PELI2: variants seen among roughly 807,000 people sequenced by gnomAD.
PELI2 encodes pellino E3 ubiquitin protein ligase family member 2.
PELI2 carries 23 observed loss-of-function variants against 42.3 expected under a neutral mutation model. That is an observed-to-expected ratio of 0.54 (90% CI 0.39 to 0.77). PELI2 has a LOEUF of 0.77. Ranked by LOEUF, PELI2 falls within the 30% of genes least tolerant of loss-of-function variation. PELI2 has a pLI of 0.00. For missense variants in PELI2, 463 were observed against 553.2 expected (o/e 0.84, Z 1.64); for synonymous variants, 245 against 212.2 (o/e 1.15, Z -1.34).
rs1890117766 is a variant in PELI2, at chr14:56,299,789, A to G, written c.*2623A>G. 6.6e-6 allele frequency: 1 copy of G among 152,216 alleles called. No individual in the cohort carries two copies. Among genetic ancestry groups the G allele is most frequent in the Non-Finnish European group, 1.5e-5 (1 of 68,040 alleles). The allele number at this position is 152,216 out of a possible 1,614,324, so 9.4% of individuals were successfully genotyped here. A position where few individuals can be genotyped will look rare whatever the true frequency, so the allele number is the denominator to read the frequency against. On this transcript the variant is annotated 3_prime_UTR_variant, in exon 6 of 6. Transcript: ENST00000267460. ...GTATACACAAGGAAATTGCAGACCA[A>G]TTAGTTGTCTTGGCCTGACTCTAAT...
intron 2 of PELI2, among the ~76,000 whole-genome samples, chr14:56,229,753 C>T (rs546912720): frequency 2.0e-5 from 3 of 152,288 alleles, no homozygotes; most frequent in South Asian, 2.1e-4. Context: ...ATGACTTTCA[C>T]GAGTTGACAG....
chr14:56,152,452 C>A (rs548774642), intron 1 of PELI2, among the ~76,000 whole-genome samples: 1 of 152,056 alleles, frequency 6.6e-6, no homozygotes, highest in Non-Finnish European at 1.5e-5. Flanking sequence ...TATTGAGGGA[C>A]AATTAACAGT....
intron 2 of PELI2, among the ~76,000 whole-genome samples, chr14:56,226,760 A>G (rs1169256897): frequency 6.6e-6 from 1 of 152,220 alleles, no homozygotes; most frequent in Non-Finnish European, 1.5e-5. Flanking sequence ...TTACAATGAA[A>G]TGATATTTTG....
At chr14:56,145,013 T>A (rs1341027877) in intron 1 of PELI2, 1 of 969,146 alleles carries the variant, frequency 1.0e-6, no homozygotes, top group Non-Finnish European at 1.2e-6. Context: ...GGGTGTTAGG[T>A]TAAGTCCTGG....
chr14:56,267,364 G>A (rs577413307), intron 2 of PELI2, among the ~76,000 whole-genome samples: 5 of 152,164 alleles, frequency 3.3e-5, no homozygotes, highest in Non-Finnish European at 7.4e-5. Flanking sequence ...TAGATTCAGG[G>A]TATGGCCTAA....
intron 2 of PELI2, among the ~76,000 whole-genome samples, chr14:56,217,002 T>C (rs1264721803): frequency 6.6e-6 from 1 of 152,260 alleles, no homozygotes. Flanking sequence ...TTCTAGAAGT[T>C]ATTTTTTTTT....
At chr14:56,256,642 C>A (rs181057513) in intron 2 of PELI2, among the ~76,000 whole-genome samples, 2 of 152,136 alleles carry the variant, frequency 1.3e-5, no homozygotes, top group Non-Finnish European at 2.9e-5. Flanking sequence ...TTATTTAAGA[C>A]GTAATTAGAA....
intron 2 of PELI2, among the ~76,000 whole-genome samples, chr14:56,247,176 TCAACATACACACA>T (rs1411837831): frequency 6.6e-6 from 1 of 152,120 alleles, no homozygotes; most frequent in Non-Finnish European, 1.5e-5. Flanking sequence ...TGTATGAAAA[TCAACATACACACA>T]CGGAATTCTT....
intron 2 of PELI2, among the ~76,000 whole-genome samples, chr14:56,202,174 T>C (rs1042287841): frequency 1.2e-4 from 18 of 152,206 alleles, no homozygotes; most frequent in Admixed American, 3.3e-4. Context: ...TTGTTGTTGT[T>C]GTTAAAAAAT....
rs1208948022 is a variant in PELI2 at position 56,298,148 on chromosome 14, A to G, written c.*982A>G. The G allele has an allele frequency of 2.0e-5, 3 of 152,348 alleles. No individual in the cohort carries two copies. The highest frequency in any genetic ancestry group is 7.3e-5 in the African/African-American group (3 of 41,328). The allele number at this position is 152,348 out of a possible 1,614,324, so 9.4% of individuals were successfully genotyped here. ...AAGAAAGCCAACCAATCACAATGATATAGTCATTGTTGTGCACTCCCTTTT... is the reference window on the plus strand; with the variant it reads ...AAGAAAGCCAACCAATCACAATGATGTAGTCATTGTTGTGCACTCCCTTTT... On this transcript the variant is annotated 3_prime_UTR_variant, in exon 6 of 6. Transcript: ENST00000267460.
chr14:56,279,564 A>C, intron 2 of PELI2, 112 bp from the exon 3 acceptor site: 1 of 550,004 alleles, frequency 1.8e-6, no homozygotes, highest in Non-Finnish European at 3.2e-6. Flanking sequence ...TGTGTGGAAA[A>C]TGCTGGCTTG....
intron 2 of PELI2, among the ~76,000 whole-genome samples, chr14:56,250,603 G>C (rs561778239): frequency 1.2e-4 from 18 of 152,244 alleles, no homozygotes; most frequent in Middle Eastern, 3.4e-3. Flanking sequence ...TCTGATGTTC[G>C]AGGGCAGGAA....
Position 56,299,226 on chromosome 14 carries a change from A to G in PELI2, c.*2060A>G, listed in dbSNP as rs1158952417. The G allele has an allele frequency of 6.6e-6, 1 of 152,220 alleles. No individual in the cohort carries two copies. Among genetic ancestry groups the G allele is most frequent in the Non-Finnish European group, 1.5e-5 (1 of 68,040 alleles). 9.4% of individuals were successfully genotyped at this position (152,220 alleles called of 1,614,324 possible). A position where few individuals can be genotyped will look rare whatever the true frequency, so the allele number is the denominator to read the frequency against. On this transcript the variant is annotated 3_prime_UTR_variant, in exon 6 of 6. Transcript: ENST00000267460. ...TACCAAGAAAAAAAGATATTTTTCC[A>G]GAGAGTTAGGTATATCATAATTTTC... is the stretch of plus-strand genomic sequence containing the variant.
At chr14:56,137,491 C>G (rs1256799185) in intron 1 of PELI2, among the ~76,000 whole-genome samples, 3 of 152,156 alleles carry the variant, frequency 2.0e-5, no homozygotes, top group Non-Finnish European at 4.4e-5. Context: ...GGTTCCTTAT[C>G]ACCTCCAGAA....
At chr14:56,157,046 G>T (rs1018294682) in intron 1 of PELI2, among the ~76,000 whole-genome samples, 3 of 152,146 alleles carry the variant, frequency 2.0e-5, no homozygotes, top group African/African-American at 7.2e-5. Context: ...AATATAACAT[G>T]CTATTTGTGA....
Position 56,254,033 on chromosome 14 carries a change from T to C in PELI2, c.208-25643T>C, listed in dbSNP as rs189943033. ...TGAAACAGAACAGAAGCTTCAGAAA[T>C]AATACCACACATCTACAACCATCTG... On this transcript the variant is annotated intron_variant, in intron 2 of 5. Coordinates refer to ENST00000267460, the MANE Select transcript of PELI2 (RefSeq NM_021255.3). 1.0e-3 allele frequency among the ~76,000 whole-genome samples: 152 copies of C among 152,134 alleles called. 2 individuals are homozygous for C. The highest frequency in any genetic ancestry group is 3.4e-3 in the African/African-American group (142 of 41,494).
intron 2 of PELI2, among the ~76,000 whole-genome samples, chr14:56,277,528 A>G (rs1594708290): frequency 1.3e-5 from 2 of 152,170 alleles, no homozygotes. Context: ...TGTAATAATA[A>G]TAGAAATAAA....
intron 2 of PELI2, among the ~76,000 whole-genome samples, chr14:56,264,400 A>G (rs1888827076): frequency 6.6e-6 from 1 of 152,194 alleles, no homozygotes; most frequent in South Asian, 2.1e-4. Flanking sequence ...TTCAGTGTTA[A>G]TGAATTAACA....
chr14:56,164,340 AT>A (rs1423438216), intron 1 of PELI2, among the ~76,000 whole-genome samples: 1 of 152,104 alleles, frequency 6.6e-6, no homozygotes, highest in Non-Finnish European at 1.5e-5. Context: ...AGTGTATCAT[AT>A]TGATTGATTT....
Sources: gnomAD v4.1 joint callset for allele counts (sites outside exome capture counted in the v4.1 genomes callset) on GRCh38, gnomAD v4.1.1 for gene constraint, MANE v1.5 for transcripts, NCBI Gene and HGNC (gene_info 2026-07-23, HGNC 2026-07-21) for gene names.